Variants in PIP4K2A observed in about 807,000 individuals in gnomAD.
PIP4K2A encodes phosphatidylinositol-5-phosphate 4-kinase type 2 alpha.
PIP4K2A carries 14 observed loss-of-function variants against 42.9 expected under a neutral mutation model. The observed-to-expected ratio is 0.33, with a 90% CI of 0.22 to 0.51. The LOEUF (loss-of-function observed/expected upper bound fraction) is 0.51. Among genes scored for constraint, PIP4K2A ranks in the 20% least tolerant of loss-of-function variants. The pLI, the probability that PIP4K2A is intolerant of heterozygous loss-of-function variation, is 0.97. For missense variants in PIP4K2A, 434 were observed against 519.8 expected (o/e 0.83, Z 1.61); for synonymous variants, 192 against 192.2 (o/e 1.00, Z 0.01).
chr10:22,573,561 C>A (rs974102162), intron 4 of PIP4K2A, 104 bp from the exon 5 acceptor site: 43 of 922,934 alleles, frequency 4.7e-5, no homozygotes, highest in Middle Eastern at 4.6e-4. Flanking sequence ...GTGAAAACCT[C>A]CAGCCATTAG....
chr10:22,651,889 G>A (rs1040869512), intron 1 of PIP4K2A, among the ~76,000 whole-genome samples: 1 of 152,124 alleles, frequency 6.6e-6, no homozygotes, highest in Non-Finnish European at 1.5e-5. Flanking sequence ...TGCTACTAGT[G>A]ATCTGGATAT....
chr10:22,650,788 T>G (rs1838977733), intron 1 of PIP4K2A, among the ~76,000 whole-genome samples: 2 of 152,204 alleles, frequency 1.3e-5, no homozygotes. Flanking sequence ...ACAAAAAGAT[T>G]ACTTCCTAAA....
In PIP4K2A at chr10:22,591,680, A is replaced by G; in HGVS notation, c.441T>C (p.Ile147=). 6.2e-7 allele frequency: 1 copy of G among 1,613,152 alleles called. No homozygotes were observed. Among genetic ancestry groups the G allele is most frequent in the Non-Finnish European group, 8.5e-7 (1 of 1,179,440 alleles). Residue 147 remains isoleucine (I), a synonymous_variant, in exon 4 of 10, where the codon ATT becomes ATC. Transcript: ENST00000376573. ...GCATTTCGGCCACGTCTTCACTGGT[A>G]ATAGTCTTGATGATGTATCTTTTGT... The part of the protein sequence containing the change: ...SYDKRYIIKT[I]TSEDVAEMHN...
In PIP4K2A at chr10:22,573,968, AG is replaced by A. The variant is rs570850390; in HGVS notation, c.493-512del. Among the ~76,000 whole-genome samples the A allele has an allele frequency of 8.0e-3, 1,215 of 152,364 alleles. 9 individuals carry two copies. The highest frequency in any genetic ancestry group is 0.011 in the Non-Finnish European group (738 of 68,034). On this transcript the variant is annotated intron_variant, in intron 4 of 9. Coordinates refer to ENST00000376573, the MANE Select transcript of PIP4K2A (RefSeq NM_005028.5). Reference sequence around the variant, plus strand: ...AAGCTTCTCAAGAGAGCAGGGGAGAAGGGGGCAACCCCTGTGACCATAGCAC... The same window carrying A: ...AAGCTTCTCAAGAGAGCAGGGGAGAAGGGGCAACCCCTGTGACCATAGCAC...
At chr10:22,545,962 T>G (rs980473919) in intron 7 of PIP4K2A, among the ~76,000 whole-genome samples, 1 of 152,194 alleles carries the variant, frequency 6.6e-6, no homozygotes, top group Admixed American at 6.5e-5. Context: ...TGCCTTGGCC[T>G]CCCAAACTGC....
chr10:22,646,984 C>T (rs1374415548), intron 1 of PIP4K2A, among the ~76,000 whole-genome samples: 1 of 152,084 alleles, frequency 6.6e-6, no homozygotes, highest in East Asian at 1.9e-4. Flanking sequence ...AGGATGCAAG[C>T]TGACTAGGCT....
At chr10:22,660,352 T>C (rs1319926170) in intron 1 of PIP4K2A, among the ~76,000 whole-genome samples, 1 of 152,078 alleles carries the variant, frequency 6.6e-6, no homozygotes, top group African/African-American at 2.4e-5. Flanking sequence ...GTGCCTGTAA[T>C]CCCAGCTACT....
chr10:22,555,855 C>T (rs1171020037), intron 6 of PIP4K2A, among the ~76,000 whole-genome samples: 1 of 150,674 alleles, frequency 6.6e-6, no homozygotes, highest in Non-Finnish European at 1.5e-5. Flanking sequence ...TTGTCTTGGG[C>T]CACACATAGA....
At chr10:22,677,073 T>G (rs1431069176) in intron 1 of PIP4K2A, among the ~76,000 whole-genome samples, 1 of 152,226 alleles carries the variant, frequency 6.6e-6, no homozygotes, top group Non-Finnish European at 1.5e-5. Context: ...TATTCATTTT[T>G]TAAGAGCTAT....
intron 3 of PIP4K2A, among the ~76,000 whole-genome samples, chr10:22,600,828 T>C (rs1349734363): frequency 6.6e-6 from 1 of 152,160 alleles, no homozygotes; most frequent in Non-Finnish European, 1.5e-5. Flanking sequence ...ATGCCCACTG[T>C]GTTCAAAGCC....
At chr10:22,559,221 C>T (rs185159372) in intron 6 of PIP4K2A, among the ~76,000 whole-genome samples, 191 of 152,316 alleles carry the variant, frequency 1.3e-3, no homozygotes, top group African/African-American at 3.9e-3. Context: ...AAGAATTACA[C>T]ATCTGTAGCA....
intron 4 of PIP4K2A, among the ~76,000 whole-genome samples, chr10:22,574,124 C>G (rs965105121): frequency 6.6e-6 from 1 of 152,124 alleles, no homozygotes; most frequent in African/African-American, 2.4e-5. Context: ...ACGACCTTGG[C>G]TGTTTTTCAT....
At chr10:22,616,695 TAAAAAAAA>T (rs111976859) in intron 1 of PIP4K2A, among the ~76,000 whole-genome samples, 6 of 147,634 alleles carry the variant, frequency 4.1e-5, no homozygotes, top group Admixed American at 6.8e-5. Flanking sequence ...ATTCCTTATT[TAAAAAAAA>T]AAAGTAATTA....
intron 7 of PIP4K2A, among the ~76,000 whole-genome samples, chr10:22,548,588 T>C (rs1836312758): frequency 6.6e-6 from 1 of 152,246 alleles, no homozygotes; most frequent in South Asian, 2.1e-4. Context: ...AGGATACTTA[T>C]CAGTTGGATC....
chr10:22,607,716 C>T (rs1837935527), intron 3 of PIP4K2A: 1 of 348,606 alleles, frequency 2.9e-6, no homozygotes. Flanking sequence ...ATATATTTTC[C>T]TACTGACTTT....
intron 1 of PIP4K2A, among the ~76,000 whole-genome samples, chr10:22,653,700 G>A (rs1252201287): frequency 6.6e-6 from 1 of 152,052 alleles, no homozygotes; most frequent in Non-Finnish European, 1.5e-5. Context: ...GATCACTTGA[G>A]GCCAGGAGTT....
chr10:22,633,933 C>T (rs904961814), intron 1 of PIP4K2A, among the ~76,000 whole-genome samples: 14 of 152,302 alleles, frequency 9.2e-5, no homozygotes, highest in Admixed American at 8.5e-4. Flanking sequence ...AAAACGGAGT[C>T]CACAACAGTG....
rs907122970 is a variant in PIP4K2A at position 22,580,398 on chromosome 10, C to A, written c.493-6941G>T. Reference sequence around the variant, plus strand: ...GGCATAGTGGCTCATGCCTGCAGTCCCGGTAATTCGGGAGGCCAAGGCGGG... The same window carrying A: ...GGCATAGTGGCTCATGCCTGCAGTCACGGTAATTCGGGAGGCCAAGGCGGG... On this transcript the variant is annotated intron_variant, in intron 4 of 9. Coordinates refer to ENST00000376573, the MANE Select transcript of PIP4K2A (RefSeq NM_005028.5). Among the ~76,000 whole-genome samples the A allele has an allele frequency of 9.9e-5, 15 of 151,896 alleles. 1 individual carries two copies. Among genetic ancestry groups the A allele is most frequent in the Admixed American group, 3.9e-4 (6 of 15,264 alleles).
In PIP4K2A at chr10:22,535,125, G is replaced by C. The variant is rs1456306437; in HGVS notation, c.*2076C>G. 6.6e-6 allele frequency: 1 copy of C among 152,168 alleles called. No homozygotes were observed. The highest frequency in any genetic ancestry group is 1.5e-5 in the Non-Finnish European group (1 of 68,020). 9.4% of individuals were successfully genotyped at this position (152,168 alleles called of 1,614,324 possible). A position where few individuals can be genotyped will look rare whatever the true frequency, so the allele number is the denominator to read the frequency against. On this transcript the variant is annotated 3_prime_UTR_variant, in exon 10 of 10. Coordinates refer to ENST00000376573, the MANE Select transcript of PIP4K2A (RefSeq NM_005028.5). ...CTGTTTGTTATAGACAAAAATAAAA[G>C]CATTCTGTAAACTTCTAAAAGCATA...
Sources: gnomAD v4.1 joint callset for allele counts (sites outside exome capture counted in the v4.1 genomes callset) on GRCh38, gnomAD v4.1.1 for gene constraint, MANE v1.5 for transcripts, NCBI Gene and HGNC (gene_info 2026-07-23, HGNC 2026-07-21) for gene names.